The following FHIT variants were observed in gnomAD, a reference collection of about 807,000 sequenced individuals.
The protein encoded by FHIT is fragile histidine triad diadenosine triphosphatase, also known as bis(5'-adenosyl)-triphosphatase.
FHIT carries 19 observed loss-of-function variants against 17.9 expected under a neutral mutation model. That is an observed-to-expected ratio of 1.06 (90% CI 0.74 to 1.56). The LOEUF (loss-of-function observed/expected upper bound fraction) is 1.56, where lower values mean the gene tolerates loss of function less well. FHIT is among the 40% of genes most tolerant of loss of function. FHIT has a pLI of 0.00. For missense variants in FHIT, 248 were observed against 189.2 expected, an observed-to-expected ratio of 1.31 and a Z score of -1.82; for synonymous variants, 81 against 69.7, an observed-to-expected ratio of 1.16 and a Z score of -0.81.
intron 3 of FHIT, among the ~76,000 whole-genome samples, chr3:60,960,453 A>G (rs1709367899): frequency 6.6e-6 from 1 of 152,216 alleles, no homozygotes; most frequent in African/African-American, 2.4e-5. Context: ...TTTAAGTTCT[A>G]GGGTACATGT....
At chr3:60,588,057 CTT>C (rs1413832279) in intron 4 of FHIT, among the ~76,000 whole-genome samples, 1 of 151,910 alleles carries the variant, frequency 6.6e-6, no homozygotes, top group African/African-American at 2.4e-5. Flanking sequence ...CTGTCCATAA[CTT>C]AACTCAAATG....
At chr3:60,708,367 T>A (rs1553704081) in intron 4 of FHIT, among the ~76,000 whole-genome samples, 1 of 152,208 alleles carries the variant, frequency 6.6e-6, no homozygotes. Flanking sequence ...AGCACATTCA[T>A]TTCAAGTAAT....
intron 1 of FHIT, among the ~76,000 whole-genome samples, chr3:61,241,529 T>G (rs1158906467): frequency 6.6e-6 from 1 of 152,226 alleles, no homozygotes; most frequent in Non-Finnish European, 1.5e-5. Flanking sequence ...TGACTGTAGA[T>G]TGTATGCTCC....
At chr3:61,104,824 A>T (rs1595603) in intron 2 of FHIT, among the ~76,000 whole-genome samples, 1 of 151,914 alleles carries the variant, frequency 6.6e-6, no homozygotes, top group East Asian at 2.0e-4. Flanking sequence ...CAGTCTTCAA[A>T]CTCTGAAATT....
chr3:59,956,565 G>C (rs1489023716), intron 7 of FHIT, among the ~76,000 whole-genome samples: 1 of 152,080 alleles, frequency 6.6e-6, no homozygotes, highest in African/African-American at 2.4e-5. Context: ...CTACTTGGGA[G>C]GCTGAACCAG....
intron 5 of FHIT, among the ~76,000 whole-genome samples, chr3:60,395,796 C>T (rs1201246686): frequency 6.6e-6 from 1 of 152,076 alleles, no homozygotes; most frequent in East Asian, 1.9e-4. Flanking sequence ...GAAATGGATA[C>T]CAGAATTCTG....
In FHIT at chr3:60,230,186, G is replaced by A. The variant is rs567094495; in HGVS notation, c.104-216034C>T. On this transcript the variant is annotated intron_variant, in intron 5 of 9. Transcript: ENST00000492590. ...CATTTCTAGTTCACAAGAGCCACAC[G>A]CGGCCACTGGCTGCCATAATGAACA... Among the ~76,000 whole-genome samples the A allele has an allele frequency of 1.1e-3, 164 of 152,186 alleles. 2 individuals carry two copies. Among genetic ancestry groups the A allele is most frequent in the East Asian group, 4.2e-3 (22 of 5,180 alleles).
At chr3:60,887,204 G>A (rs1433421415) in intron 3 of FHIT, among the ~76,000 whole-genome samples, 1 of 151,820 alleles carries the variant, frequency 6.6e-6, no homozygotes, top group Non-Finnish European at 1.5e-5. Flanking sequence ...AACTTGTTTA[G>A]GTCGTCTAGA....
At chr3:59,917,159 T>C (rs1222011233) in intron 8 of FHIT, among the ~76,000 whole-genome samples, 1 of 152,252 alleles carries the variant, frequency 6.6e-6, no homozygotes, top group Non-Finnish European at 1.5e-5. Flanking sequence ...TGCTCATGAA[T>C]TGTGTTAAGC....
At chr3:60,830,993 T>C (rs1553742378) in intron 3 of FHIT, among the ~76,000 whole-genome samples, 1 of 152,226 alleles carries the variant, frequency 6.6e-6, no homozygotes, top group Non-Finnish European at 1.5e-5. Flanking sequence ...AGGCATGTTT[T>C]ATGACAGATT....
chr3:61,022,436 C>T (rs1417776444), intron 3 of FHIT, among the ~76,000 whole-genome samples: 2 of 152,192 alleles, frequency 1.3e-5, no homozygotes, highest in African/African-American at 2.4e-5. Context: ...TGGTACCATT[C>T]CTTCTGAAAC....
intron 3 of FHIT, among the ~76,000 whole-genome samples, chr3:60,856,002 T>C (rs1439108097): frequency 6.6e-6 from 1 of 152,070 alleles, no homozygotes; most frequent in African/African-American, 2.4e-5. Context: ...ATCACCTCTG[T>C]TTGAATGAGA....
chr3:61,121,257 T>A (rs949394942), intron 2 of FHIT, among the ~76,000 whole-genome samples: 1 of 151,996 alleles, frequency 6.6e-6, no homozygotes, highest in Non-Finnish European at 1.5e-5. Context: ...CACAAATATA[T>A]TCCTCGAGAA....
At position 60,860,503 on chromosome 3, in the gene FHIT, G is replaced by A. The variant is rs1302696704; in HGVS notation, c.-110-38492C>T. Reference sequence around the variant, plus strand: ...GATACATATGTATCATATATATCAGGTATATATGATACATATGTATCATAT... The same window carrying A: ...GATACATATGTATCATATATATCAGATATATATGATACATATGTATCATAT... On this transcript the variant is annotated intron_variant, in intron 3 of 9. Transcript: ENST00000492590. Among the ~76,000 whole-genome samples the A allele has an allele frequency of 1.3e-3, 116 of 86,208 alleles. 1 individual carries two copies. The highest frequency in any genetic ancestry group is 4.1e-3 in the African/African-American group (81 of 19,560). The allele number at this position is 86,208 out of a possible 152,430, so 56.6% of individuals were successfully genotyped here.
At chr3:61,162,163 C>T (rs184953694) in intron 2 of FHIT, among the ~76,000 whole-genome samples, 1 of 152,320 alleles carries the variant, frequency 6.6e-6, no homozygotes, top group East Asian at 1.9e-4. Flanking sequence ...CTCTACCTGA[C>T]ACACTTGAAG....
At chr3:60,851,920 C>A (rs373098653) in intron 3 of FHIT, among the ~76,000 whole-genome samples, 2 of 152,018 alleles carry the variant, frequency 1.3e-5, no homozygotes, top group African/African-American at 4.8e-5. Context: ...AAAGCAAAGT[C>A]CACATTTCTA....
intron 7 of FHIT, among the ~76,000 whole-genome samples, chr3:59,926,485 A>G (rs1379801673): frequency 6.6e-6 from 1 of 152,202 alleles, no homozygotes; most frequent in African/African-American, 2.4e-5. Context: ...TCCTGAAGAA[A>G]AACATAACGG....
chr3:60,501,647 G>C (rs972535473), intron 5 of FHIT, among the ~76,000 whole-genome samples: 7 of 152,128 alleles, frequency 4.6e-5, no homozygotes, highest in African/African-American at 1.7e-4. Flanking sequence ...GCAGAGTCCG[G>C]AATCTCCATT....
chr3:60,954,477 C>G lies in FHIT; in HGVS notation c.-111+87570G>C, dbSNP rs187625220. ...TCTAGTTATTTTAAATTACAGGGGA[C>G]AAGATCTATGTACATAAAGCTGAGT... is the stretch of plus-strand genomic sequence containing the variant. On this transcript the variant is annotated intron_variant, in intron 3 of 9. Transcript: ENST00000492590. 1.6e-3 allele frequency among the ~76,000 whole-genome samples: 240 copies of G among 152,190 alleles called. 2 individuals carry two copies. Among genetic ancestry groups the G allele is most frequent in the Non-Finnish European group, 3.0e-3 (203 of 67,990 alleles).
Sources: allele counts gnomAD v4.1 joint callset (sites outside exome capture counted in the v4.1 genomes callset), GRCh38; gene constraint gnomAD v4.1.1; transcripts MANE v1.5; gene names NCBI Gene and HGNC (gene_info 2026-07-23, HGNC 2026-07-21).